MACROD2: variants seen among roughly 807,000 people sequenced by gnomAD.
MACROD2 encodes mono-ADP ribosylhydrolase 2.
In MACROD2, 36 loss-of-function variants were observed where a neutral mutation model predicts 70.4. The ratio of observed to expected loss-of-function variants is 0.51; its 90% CI spans 0.39 to 0.68. MACROD2 has a LOEUF of 0.68. MACROD2 is among the 30% of genes least tolerant of loss of function. MACROD2 has a pLI of 0.00. For missense variants in MACROD2, 496 were observed against 538.4 expected (o/e 0.92, Z 0.78); for synonymous variants, 172 against 178.8 (o/e 0.96, Z 0.30).
chr20:15,276,730 C>T (rs943839858), intron 6 of MACROD2, among the ~76,000 whole-genome samples: 8 of 151,906 alleles, frequency 5.3e-5, no homozygotes, highest in Non-Finnish European at 1.2e-4. Flanking sequence ...AAATAGTTCA[C>T]AGAAAATAAA....
At chr20:14,825,501 T>C (rs1298689474) in intron 5 of MACROD2, among the ~76,000 whole-genome samples, 1 of 152,100 alleles carries the variant, frequency 6.6e-6, no homozygotes, top group Non-Finnish European at 1.5e-5. Flanking sequence ...AAGCTTTTAC[T>C]GGAACACCTT....
chr20:14,971,214 A>G (rs1004622004), intron 5 of MACROD2, among the ~76,000 whole-genome samples: 1 of 152,204 alleles, frequency 6.6e-6, no homozygotes, highest in South Asian at 2.1e-4. Flanking sequence ...TAGTCCATAC[A>G]TGTTCAGTAC....
At chr20:15,011,985 T>C (rs2075086217) in intron 5 of MACROD2, among the ~76,000 whole-genome samples, 1 of 152,164 alleles carries the variant, frequency 6.6e-6, no homozygotes, top group Non-Finnish European at 1.5e-5. Context: ...TGCAAACAAA[T>C]AGGGTGTTTT....
At chr20:14,298,427 A>C (rs941276004) in intron 3 of MACROD2, among the ~76,000 whole-genome samples, 1 of 151,504 alleles carries the variant, frequency 6.6e-6, no homozygotes, top group Non-Finnish European at 1.5e-5. Context: ...AATTAGCTGG[A>C]TGTGGTGGTG....
chr20:15,037,089 A>G (rs906299794), intron 5 of MACROD2, among the ~76,000 whole-genome samples: 10 of 152,260 alleles, frequency 6.6e-5, no homozygotes, highest in Non-Finnish European at 1.5e-4. Context: ...TGGTTTGAGT[A>G]GCTCCAGTAG....
intron 3 of MACROD2, among the ~76,000 whole-genome samples, chr20:14,223,564 G>C (rs1323402572): frequency 6.1e-5 from 9 of 147,126 alleles, no homozygotes; most frequent in Non-Finnish European, 1.0e-4. Flanking sequence ...CTGGAGTGCA[G>C]TGGTGCAATC....
At chr20:14,301,897 A>G (rs1373576660) in intron 3 of MACROD2, among the ~76,000 whole-genome samples, 1 of 152,200 alleles carries the variant, frequency 6.6e-6, no homozygotes, top group Non-Finnish European at 1.5e-5. Context: ...TTTTATGCAT[A>G]ACTACTGTGA....
intron 8 of MACROD2, among the ~76,000 whole-genome samples, chr20:15,820,517 G>T (rs6135559): frequency 0.058 from 8,778 of 152,216 alleles, 450 homozygotes; most frequent in East Asian, 0.27. Flanking sequence ...TAGTACAGTA[G>T]TTTGAATATT....
At chr20:14,066,800 T>C (rs1375618671) in intron 2 of MACROD2, among the ~76,000 whole-genome samples, 1 of 146,724 alleles carries the variant, frequency 6.8e-6, no homozygotes, top group African/African-American at 2.5e-5. Flanking sequence ...GCTGTTGTTT[T>C]AGTGATTTTT....
chr20:14,552,976 A>G (rs1245933677), intron 4 of MACROD2, among the ~76,000 whole-genome samples: 1 of 152,104 alleles, frequency 6.6e-6, no homozygotes, highest in Non-Finnish European at 1.5e-5. Flanking sequence ...CGTTAAATGT[A>G]TTAAAAATAT....
intron 8 of MACROD2, among the ~76,000 whole-genome samples, chr20:15,708,059 A>G (rs767923181): frequency 4.6e-5 from 7 of 151,768 alleles, no homozygotes; most frequent in Non-Finnish European, 7.4e-5. Flanking sequence ...GATGAGAATG[A>G]GGAGCTCTGC....
chr20:14,694,838 AT>A (rs2071103699), intron 5 of MACROD2, among the ~76,000 whole-genome samples: 1 of 152,158 alleles, frequency 6.6e-6, no homozygotes, highest in Admixed American at 6.6e-5. Context: ...TTTAAAAGTT[AT>A]TTTGAGAAAC....
At chr20:15,695,789 A>AT (rs34511421) in intron 8 of MACROD2, among the ~76,000 whole-genome samples, 7,015 of 150,118 alleles carry the variant, frequency 0.047, 551 homozygotes, top group African/African-American at 0.16. Flanking sequence ...ATTCCTGCGT[A>AT]TTTTTTTTTC....
intron 10 of MACROD2, among the ~76,000 whole-genome samples, chr20:15,931,261 G>T (rs555336979): frequency 6.6e-6 from 1 of 152,140 alleles, no homozygotes; most frequent in South Asian, 2.1e-4. Flanking sequence ...CCAGAACAGG[G>T]AAAATATCAG....
intron 8 of MACROD2, among the ~76,000 whole-genome samples, chr20:15,699,266 G>T (rs915481639): frequency 2.0e-5 from 3 of 152,132 alleles, no homozygotes; most frequent in African/African-American, 7.2e-5. Context: ...GTCCCATGGG[G>T]TGTTCCCTTG....
intron 15 of MACROD2, among the ~76,000 whole-genome samples, chr20:16,002,734 C>G (rs1228232324): frequency 6.6e-6 from 1 of 152,156 alleles, no homozygotes; most frequent in Non-Finnish European, 1.5e-5. Context: ...CATCTGGCCT[C>G]CAGAACTGTA....
chr20:15,938,665 A>G (rs189150883), intron 12 of MACROD2, among the ~76,000 whole-genome samples: 6 of 152,244 alleles, frequency 3.9e-5, no homozygotes, highest in Middle Eastern at 3.4e-3. Flanking sequence ...TAGACCTACA[A>G]TGGCCTCTAT....
At chr20:15,256,959 A>G (rs1332603462) in intron 6 of MACROD2, among the ~76,000 whole-genome samples, 2 of 152,050 alleles carry the variant, frequency 1.3e-5, no homozygotes, top group African/African-American at 4.8e-5. Flanking sequence ...ACTTTATGCT[A>G]TAACTTAAAC....
At chr20:14,910,071 G>C (rs2074008241) in intron 5 of MACROD2, among the ~76,000 whole-genome samples, 1 of 152,128 alleles carries the variant, frequency 6.6e-6, no homozygotes, top group Non-Finnish European at 1.5e-5. Flanking sequence ...CTGTACTTGA[G>C]ATATTAAATG....
Sources: allele counts gnomAD v4.1 joint callset (sites outside exome capture counted in the v4.1 genomes callset), GRCh38; gene constraint gnomAD v4.1.1; transcripts MANE v1.5; gene names NCBI Gene and HGNC (gene_info 2026-07-23, HGNC 2026-07-21).